Variants in UBIAD1 observed in about 807,000 individuals in gnomAD.
UBIAD1 encodes the protein ubiA prenyltransferase domain-containing protein 1.
Under a neutral mutation model 20.1 loss-of-function variants are expected in UBIAD1, and 12 were observed. The observed-to-expected ratio is 0.60, with a 90% CI of 0.38 to 0.97. UBIAD1 has a LOEUF of 0.97. Ranked by LOEUF, UBIAD1 falls within the 50% of genes least tolerant of loss-of-function variation. The pLI is 0.00. For missense variants in UBIAD1, 333 were observed against 419.5 expected (o/e 0.79, Z 1.80); for synonymous variants, 207 against 189.2 (o/e 1.09, Z -0.77).
At chr1:11,282,577 T>TC (rs1652273969) in intron 1 of UBIAD1, among the ~76,000 whole-genome samples, 2 of 148,178 alleles carry the variant, frequency 1.3e-5, no homozygotes, top group African/African-American at 5.2e-5. Context: ...TTTTTTTTTT[T>TC]CAAAAGACAG....
rs3063961 is a variant in UBIAD1 at position 11,287,098 on chromosome 1, C to CTGTT, written c.*969_*970insTTTG. Reference sequence around the variant, plus strand: ...TGTGTTTCCCATCTGTGGAGCCAGACTGAGCAATAGCTTAGCAGCGAGTCA... The same window carrying CTGTT: ...TGTGTTTCCCATCTGTGGAGCCAGACTGTTTGAGCAATAGCTTAGCAGCGAGTCA... On this transcript the variant is annotated 3_prime_UTR_variant, in exon 2 of 2. Transcript: ENST00000376810. 0.46 allele frequency: 70,055 copies of CTGTT among 151,920 alleles called. 20,645 individuals carry two copies. Among genetic ancestry groups the CTGTT allele is most frequent in the African/African-American group, 0.85 (35,225 of 41,324 alleles). 9.4% of individuals were successfully genotyped at this position (151,920 alleles called of 1,614,324 possible). A position where few individuals can be genotyped will look rare whatever the true frequency, so the allele number is the denominator to read the frequency against.
chr1:11,276,068 T>C (rs1652014211), intron 1 of UBIAD1, among the ~76,000 whole-genome samples: 1 of 152,042 alleles, frequency 6.6e-6, no homozygotes, highest in Admixed American at 6.6e-5. Context: ...AGTGATGTAA[T>C]ATAATGTTTT....
rs1467670977 is a variant in UBIAD1, at chr1:11,278,545, A to G, written c.529+4485A>G. Reference sequence around the variant, plus strand: ...ACGTGTGGGTATTTTGCATTGTGATATTTAATCAAGACATTAACACGAGTA... The same window carrying G: ...ACGTGTGGGTATTTTGCATTGTGATGTTTAATCAAGACATTAACACGAGTA... On this transcript the variant is annotated intron_variant, in intron 1 of 1. Transcript: ENST00000376810. The G allele has an allele frequency of 5.3e-6, 5 of 951,994 alleles. No homozygotes were observed. The East Asian group carries it at 9.4e-5, about 18-fold the overall frequency. 59.0% of individuals were successfully genotyped at this position (951,994 alleles called of 1,614,324 possible).
In UBIAD1 at chr1:11,285,993, C is replaced by T. The variant is rs1638256850; in HGVS notation, c.879C>T (p.Ala293=). The change falls in exon 2 of 2, where the codon GCC becomes GCT. Residue 293 remains alanine, a synonymous_variant. Coordinates refer to ENST00000376810, the MANE Select transcript of UBIAD1 (RefSeq NM_013319.3). The surrounding 1 kb of genome is among the most constrained non-coding windows in gnomAD (Gnocchi z 4.4). ...TCCCCCTGCTTACCATTCCCATGGC[C>T]TTCTCCCTTGAGAGACAGTTTCGAA... The part of the protein sequence containing the change: ...LALPLLTIPM[A]FSLERQFRSQ... 1 of 1,614,104 alleles carries T rather than the reference C, an allele frequency of 6.2e-7. No individual in the cohort carries two copies.
rs35990325 is a variant in UBIAD1, at chr1:11,273,882, T to C, written c.351T>C (p.Asp117=). 565 of 1,614,232 alleles carry C rather than the reference T, an allele frequency of 3.5e-4. 1 individual carries two copies. In the African/African-American group the frequency reaches 6.1e-3, roughly 17 times the overall value. The change falls in exon 1 of 2, where the codon GAT becomes GAC. Residue 117 remains aspartate (D), a synonymous_variant. Coordinates refer to ENST00000376810, the MANE Select transcript of UBIAD1 (RefSeq NM_013319.3). This position sits in a 1 kb window ranked among gnomAD's most constrained non-coding sequence, Gnocchi z 4.9. ...FSKGIDHKKS[D]DRTLVDRILE... ...AGGGCATTGACCACAAAAAGAGTGATGACAGGACACTTGTGGACCGAATCT... is the reference window on the plus strand; with the variant it reads ...AGGGCATTGACCACAAAAAGAGTGACGACAGGACACTTGTGGACCGAATCT...
rs774128483 is a variant in UBIAD1 at position 11,282,971 on chromosome 1, C to T, written c.530-2673C>T. On this transcript the variant is annotated intron_variant, in intron 1 of 1. Coordinates refer to ENST00000376810, the MANE Select transcript of UBIAD1 (RefSeq NM_013319.3). ...TGCCTCCAGGGTTCAAGCGGTTCTT[C>T]TGCCTCAGCCTCCCGAGTAGCTGGG... 9.9e-5 allele frequency among the ~76,000 whole-genome samples: 15 copies of T among 151,918 alleles called. 1 individual carries two copies. Among genetic ancestry groups the T allele is most frequent in the Non-Finnish European group, 7.4e-5 (5 of 68,010 alleles).
downstream of UBIAD1, among the ~76,000 whole-genome samples, chr1:11,289,671 C>G (rs1367236152): frequency 6.6e-6 from 1 of 151,642 alleles, no homozygotes; most frequent in African/African-American, 2.4e-5. Context: ...CAAAGCCATT[C>G]TCCTGCCTCA....
At chr1:11,289,512 G>A (rs906548415), downstream of UBIAD1, among the ~76,000 whole-genome samples, 1 of 151,938 alleles carries the variant, frequency 6.6e-6, no homozygotes, top group African/African-American at 2.4e-5. Context: ...TGGAGATAGG[G>A]GGGTATGAGT....
rs1569884674 is a variant in UBIAD1 at position 11,273,372 on chromosome 1, A to G, written c.-160A>G. The G allele has an allele frequency of 1.2e-6, 1 of 832,198 alleles. No individual in the cohort carries two copies. Among genetic ancestry groups the G allele is most frequent in the South Asian group, 1.6e-5 (1 of 62,784 alleles). The allele number at this position is 832,198 out of a possible 1,614,324, so 51.6% of individuals were successfully genotyped here. On this transcript the variant is annotated 5_prime_UTR_variant, in exon 1 of 2. Coordinates refer to ENST00000376810, the MANE Select transcript of UBIAD1 (RefSeq NM_013319.3). The surrounding 1 kb of genome is among the most constrained non-coding windows in gnomAD (Gnocchi z 4.9). ...CTTGGCCTCGTGGGGTGTAAGACCC[A>G]CTTGCTGTTGCCCCCGGACCTTGCC...
chr1:11,282,203 C>G (rs987082082), intron 1 of UBIAD1, among the ~76,000 whole-genome samples: 11 of 152,232 alleles, frequency 7.2e-5, no homozygotes, highest in African/African-American at 2.4e-4. Flanking sequence ...TACACTCCCC[C>G]CAGCAAGTGT....
downstream of UBIAD1, among the ~76,000 whole-genome samples, chr1:11,290,156 G>A (rs542773555): frequency 3.0e-4 from 45 of 152,290 alleles, no homozygotes; most frequent in South Asian, 1.9e-3. Flanking sequence ...GTGAGCCCCC[G>A]TGCCTGGCTG....
chr1:11,285,659 A>T lies in UBIAD1; in HGVS notation c.545A>T (p.Tyr182Phe). 1 of 1,614,182 alleles carries T rather than the reference A, an allele frequency of 6.2e-7. No individual in the cohort carries two copies. Among genetic ancestry groups the T allele is most frequent in the Non-Finnish European group, 8.5e-7 (1 of 1,180,042 alleles). Residue 182 changes from tyrosine to phenylalanine, a missense_variant, in exon 2 of 2, where the codon TAC (tyrosine) becomes TTC (phenylalanine). Coordinates refer to ENST00000376810, the MANE Select transcript of UBIAD1 (RefSeq NM_013319.3). This position sits in a 1 kb window ranked among gnomAD's most constrained non-coding sequence, Gnocchi z 4.4. The stretch of plus-strand genomic sequence containing the variant: ...CTGGCCGCAGGAATTGGATTCAAGT[A>T]CGTGGCTCTGGGAGACCTCATCATC... ...FLYTGGIGFK[Y>F]VALGDLIILI...
At chr1:11,299,155 A>G (rs1287471347), downstream of UBIAD1, among the ~76,000 whole-genome samples, 1 of 152,232 alleles carries the variant, frequency 6.6e-6, no homozygotes, top group Non-Finnish European at 1.5e-5. Flanking sequence ...GCCCTGGGTC[A>G]TCCTTGATAC....
intron 1 of UBIAD1, among the ~76,000 whole-genome samples, chr1:11,294,615 T>C (rs1569913167): frequency 1.3e-5 from 2 of 151,954 alleles, no homozygotes; most frequent in South Asian, 4.2e-4. Context: ...CCCATCAGGG[T>C]GGGATGGCTG....
intron 1 of UBIAD1, among the ~76,000 whole-genome samples, chr1:11,274,728 G>A (rs1005409566): frequency 2.0e-5 from 3 of 151,844 alleles, no homozygotes; most frequent in African/African-American, 7.3e-5. Context: ...TTCTGCCTCA[G>A]CTCCCCGAGT....
At chr1:11,281,124 C>T (rs1652228118) in intron 1 of UBIAD1, among the ~76,000 whole-genome samples, 1 of 152,048 alleles carries the variant, frequency 6.6e-6, no homozygotes, top group Non-Finnish European at 1.5e-5. Flanking sequence ...GATGCAGCTT[C>T]CTCTGTTTGA....
At chr1:11,282,311 GCT>G (rs1323974388) in intron 1 of UBIAD1, among the ~76,000 whole-genome samples, 1 of 152,166 alleles carries the variant, frequency 6.6e-6, no homozygotes, top group African/African-American at 2.4e-5. Flanking sequence ...CACTGTGTAA[GCT>G]CATTCAGAAA....
At chr1:11,283,983 C>T (rs1349482545) in intron 1 of UBIAD1, among the ~76,000 whole-genome samples, 1 of 152,146 alleles carries the variant, frequency 6.6e-6, no homozygotes, top group African/African-American at 2.4e-5. Context: ...TCCCAAATTC[C>T]AGGTGCTTGT....
At chr1:11,296,637 A>G (rs1638453058), downstream of UBIAD1, among the ~76,000 whole-genome samples, 1 of 152,124 alleles carries the variant, frequency 6.6e-6, no homozygotes, top group African/African-American at 2.4e-5. Flanking sequence ...TTCCCACCTC[A>G]GCCTCCAGAG....
Sources: allele counts gnomAD v4.1 joint callset (sites outside exome capture counted in the v4.1 genomes callset), GRCh38; gene constraint gnomAD v4.1.1; non-coding constraint Gnocchi (gnomAD v3.1); transcripts MANE v1.5; gene names NCBI Gene and HGNC (gene_info 2026-07-23, HGNC 2026-07-21).